Variants in P2RX4 observed in about 807,000 individuals in gnomAD.
The protein encoded by P2RX4 is P2X purinoceptor 4.
P2RX4 carries 37 observed loss-of-function variants against 48.0 expected under a neutral mutation model. The ratio of observed to expected loss-of-function variants is 0.77; its 90% confidence interval spans 0.59 to 1.01. The LOEUF (loss-of-function observed/expected upper bound fraction) is 1.01. Ranked by LOEUF, P2RX4 falls within the 50% of genes least tolerant of loss-of-function variation. The pLI is 0.00. For missense variants in P2RX4, 501 were observed against 521.4 expected, an observed-to-expected ratio of 0.96 and a Z score of 0.38; for synonymous variants, 200 against 199.7, an observed-to-expected ratio of 1.00 and a Z score of -0.01.
intron 1 of P2RX4, chr12:121,213,482 A>C: frequency 6.6e-6 from 1 of 152,188 alleles, no homozygotes; most frequent in Non-Finnish European, 1.5e-5. Flanking sequence ...GACATGTTAA[A>C]ATATTTTGGA....
At chr12:121,211,052 C>A (rs1160114977) in intron 1 of P2RX4, among the ~76,000 whole-genome samples, 1 of 152,132 alleles carries the variant, frequency 6.6e-6, no homozygotes, top group African/African-American at 2.4e-5. Flanking sequence ...AAGTTTGCTT[C>A]CTTTGTTTTC....
chr12:121,213,260 C>CAAAAAAATACAAAAAA (rs1565997876), intron 1 of P2RX4: 1 of 151,936 alleles, frequency 6.6e-6, no homozygotes, highest in African/African-American at 2.4e-5. Flanking sequence ...GACCTTGCCT[C>CAAAAAAATACAAAAAA]TACAAAAAAA....
rs1342290380 is a variant in P2RX4 at position 121,232,861 on chromosome 12, G to C, written c.1045-136G>C. The C allele has an allele frequency of 1.1e-6, 1 of 870,536 alleles. No individual in the cohort carries two copies. Among genetic ancestry groups the C allele is most frequent in the African/African-American group, 1.6e-5 (1 of 60,718 alleles). The allele number at this position is 870,536 out of a possible 1,614,324, so 53.9% of individuals were successfully genotyped here. A position where few individuals can be genotyped will look rare whatever the true frequency, so the allele number is the denominator to read the frequency against. On this transcript the variant is annotated intron_variant, in intron 10 of 11. Transcript: ENST00000337233. This position sits in a 1 kb window ranked among gnomAD's most constrained non-coding sequence, Gnocchi z 4.3. ...CCAAGACCACCCCCCTCAGGTCCCAGCCTTCTCCCAAGAGATGGGAGTGCC... is the reference window on the plus strand; with the variant it reads ...CCAAGACCACCCCCCTCAGGTCCCACCCTTCTCCCAAGAGATGGGAGTGCC...
At position 121,232,510 on chromosome 12, in the gene P2RX4, A is replaced by G. The variant is rs1220499604; in HGVS notation, c.978+3A>G. On this transcript the variant is annotated splice_donor_region_variant and intron_variant, in intron 9 of 11. Transcript: ENST00000337233. The surrounding 1 kb of genome is among the most constrained non-coding windows in gnomAD (Gnocchi z 4.3). ...TCGACATCATTGTGTTTGGGAAGGT[A>G]GCTCGCCGCCACTGGCTCCCCTCCG... 1 of 1,613,236 alleles carries G rather than the reference A, an allele frequency of 6.2e-7. No homozygotes were observed. Among genetic ancestry groups the G allele is most frequent in the Non-Finnish European group, 8.5e-7 (1 of 1,179,304 alleles).
In P2RX4 at chr12:121,229,123, G is replaced by A. The variant is rs1288508798; in HGVS notation, c.884+24G>A. 2.5e-6 allele frequency: 4 copies of A among 1,613,802 alleles called. 1 individual carries two copies. The South Asian group carries it at 3.3e-5, about 13-fold the overall frequency. On this transcript the variant is annotated intron_variant, in intron 8 of 11. Transcript: ENST00000337233. This position sits in a 1 kb window ranked among gnomAD's most constrained non-coding sequence, Gnocchi z 4.6. The stretch of plus-strand genomic sequence containing the variant: ...AGGTGGGCGTGAGCTTGGGCCCCTC[G>A]CTCATGTTGTAGGGGGTGCTGGTGG...
chr12:121,223,099 A>G (rs1886750296), intron 5 of P2RX4, 56 bp downstream of exon 5: 3 of 1,117,206 alleles, frequency 2.7e-6, no homozygotes, highest in Non-Finnish European at 4.1e-6. Context: ...TTTTAGACAC[A>G]GTTTCACTCT....
intron 1 of P2RX4, among the ~76,000 whole-genome samples, chr12:121,212,677 T>C (rs2136211674): frequency 6.7e-6 from 1 of 148,674 alleles, no homozygotes; most frequent in East Asian, 2.0e-4. Flanking sequence ...TAATCCCGGC[T>C]ACATGGGAGG....
chr12:121,231,051 G>A (rs1002250192), intron 8 of P2RX4, among the ~76,000 whole-genome samples: 2 of 150,398 alleles, frequency 1.3e-5, no homozygotes, highest in Admixed American at 1.3e-4. Context: ...GCAGTGGTGC[G>A]ATTTCAGCTC....
intron 4 of P2RX4, 159 bp from the exon 5 acceptor site, chr12:121,222,788 C>G (rs1430716417): frequency 3.9e-6 from 6 of 1,535,326 alleles, no homozygotes; most frequent in Non-Finnish European, 5.3e-6. Context: ...TCCTCCGATT[C>G]TAACTCCTGG....
rs972898679 is a variant in P2RX4, at chr12:121,232,750, A to T, written c.1044+74A>T. 1.5e-5 allele frequency: 19 copies of T among 1,269,362 alleles called. No individual in the cohort carries two copies. Among genetic ancestry groups the T allele is most frequent in the Non-Finnish European group, 2.2e-5 (19 of 868,552 alleles). The allele number at this position is 1,269,362 out of a possible 1,614,324, so 78.6% of individuals were successfully genotyped here. ...GGGCTGGGGTCCTGGTCCTGGCCCT[A>T]GGCCCTAGACCTCAGATGTGTTTCT... On this transcript the variant is annotated intron_variant, in intron 10 of 11. Transcript: ENST00000337233. This position sits in a 1 kb window ranked among gnomAD's most constrained non-coding sequence, Gnocchi z 4.3.
intron 5 of P2RX4, 28 bp from the exon 6 acceptor site, chr12:121,228,505 T>G: frequency 6.9e-7 from 1 of 1,458,962 alleles, no homozygotes. Context: ...TGTATTTTAT[T>G]AACAGTAATG....
chr12:121,223,053 G>C lies in P2RX4; in HGVS notation c.524+10G>C, dbSNP rs1424271444. 6.4e-7 allele frequency: 1 copy of C among 1,561,306 alleles called. No individual in the cohort carries two copies. Among genetic ancestry groups the C allele is most frequent in the Non-Finnish European group, 8.8e-7 (1 of 1,132,190 alleles). ...ACACACACGTGCCACAGTGAGTCCA[G>C]CCCTAGGGAAGGAAGTGCCTTTTTG... is the stretch of plus-strand genomic sequence containing the variant. On this transcript the variant is annotated intron_variant, in intron 5 of 11. Transcript: ENST00000337233.
chr12:121,217,200 G>T lies in P2RX4; in HGVS notation c.201G>T (p.Lys67Asn). ...TDSVVSSVTT[K>N]VKGVAVTNTS... The stretch of plus-strand genomic sequence containing the variant: ...CCGTGGTCAGCTCCGTTACGACCAA[G>T]GTCAAGGGCGTGGCTGTGACCAACA... Residue 67 changes from lysine (K) to asparagine (N), a missense_variant, in exon 2 of 12, where the codon AAG becomes AAT. Coordinates refer to ENST00000337233, the MANE Select transcript of P2RX4 (RefSeq NM_002560.3). 3.1e-6 allele frequency: 5 copies of T among 1,614,218 alleles called. No individual in the cohort carries two copies. The highest frequency in any genetic ancestry group is 4.2e-6 in the Non-Finnish European group (5 of 1,180,028).
At chr12:121,214,319 C>A (rs1469913122) in intron 1 of P2RX4, 3 of 151,932 alleles carry the variant, frequency 2.0e-5, no homozygotes, top group African/African-American at 7.3e-5. Context: ...AAATGCTTTG[C>A]TTTTGTCCGT....
chr12:121,230,580 T>C (rs983742757), intron 8 of P2RX4, among the ~76,000 whole-genome samples: 3 of 152,262 alleles, frequency 2.0e-5, no homozygotes, highest in African/African-American at 7.2e-5. Flanking sequence ...ATTTTTCTTT[T>C]CTAGCAGTTA....
At position 121,233,619 on chromosome 12, in the gene P2RX4, C is replaced by T. The variant is rs1221343765; in HGVS notation, c.*70C>T. The T allele has an allele frequency of 1.3e-6, 2 of 1,568,552 alleles. No individual in the cohort carries two copies. Among genetic ancestry groups the T allele is most frequent in the East Asian group, 2.3e-5 (1 of 42,780 alleles). On this transcript the variant is annotated 3_prime_UTR_variant, in exon 12 of 12. Coordinates refer to ENST00000337233, the MANE Select transcript of P2RX4 (RefSeq NM_002560.3). Reference sequence around the variant, plus strand: ...GAGAGGAGGAGGAGGGAGAAATGGCCACCACATCACCCCAGAGAAATTTCT... The same window carrying T: ...GAGAGGAGGAGGAGGGAGAAATGGCTACCACATCACCCCAGAGAAATTTCT...
chr12:121,225,072 A>AT (rs34333143), intron 5 of P2RX4, among the ~76,000 whole-genome samples: 4,440 of 133,752 alleles, frequency 0.033, 232 homozygotes, highest in African/African-American at 0.11. Context: ...ATCAAATTGG[A>AT]TTTTTTTTTT....
Position 121,229,337 on chromosome 12 carries a change from T to G in P2RX4, c.884+238T>G, listed in dbSNP as rs1053854195. Among the ~76,000 whole-genome samples, 2 of 152,032 alleles carry G rather than the reference T, an allele frequency of 1.3e-5. No individual in the cohort carries two copies. Among genetic ancestry groups the G allele is most frequent in the African/African-American group, 2.4e-5 (1 of 41,418 alleles). Reference sequence around the variant, plus strand: ...GCCCTTTCCTGCCGCAAGAAACATGTTGAGATGGTTCTTAGAGCAGCCAGG... The same window carrying G: ...GCCCTTTCCTGCCGCAAGAAACATGGTGAGATGGTTCTTAGAGCAGCCAGG... On this transcript the variant is annotated intron_variant, in intron 8 of 11. Transcript: ENST00000337233. The surrounding 1 kb of genome is among the most constrained non-coding windows in gnomAD (Gnocchi z 4.6).
intron 1 of P2RX4, 139 bp downstream of exon 1, chr12:121,210,437 C>A: frequency 1.2e-6 from 1 of 831,262 alleles, no homozygotes; most frequent in Non-Finnish European, 1.6e-6. Context: ...TGGGCCCCAG[C>A]CGCCGCGCCG....
Sources: allele counts gnomAD v4.1 joint callset (sites outside exome capture counted in the v4.1 genomes callset), GRCh38; gene constraint gnomAD v4.1.1; non-coding constraint Gnocchi (gnomAD v3.1); transcripts MANE v1.5; gene names NCBI Gene and HGNC (gene_info 2026-07-23, HGNC 2026-07-21).